CYP2C18: variants seen among roughly 807,000 people sequenced by gnomAD.
CYP2C18 encodes the protein cytochrome P450 family 2 subfamily C member 18, also known as cytochrome P450 2C18.
CYP2C18 carries 38 observed loss-of-function variants against 41.3 expected under a neutral mutation model. The ratio of observed to expected loss-of-function variants is 0.92; its 90% CI spans 0.71 to 1.21. The LOEUF is 1.21. Ranked by LOEUF, CYP2C18 falls within the 50% of genes most tolerant of loss-of-function variation. The probability of loss-of-function intolerance (pLI) is 0.00; values close to 1 mark genes in which losing one functional copy is unlikely to be tolerated. For missense variants in CYP2C18, 635 were observed against 591.4 expected (o/e 1.07, Z -0.77); for synonymous variants, 236 against 210.0 (o/e 1.12, Z -1.07).
intron 5 of CYP2C18, among the ~76,000 whole-genome samples, chr10:94,712,143 T>C (rs919232339): frequency 3.4e-5 from 5 of 148,456 alleles, no homozygotes; most frequent in African/African-American, 1.3e-4. Flanking sequence ...CCACCTCACC[T>C]GGCCTCTTTT....
At chr10:94,713,497 C>G (rs1847482049) in intron 5 of CYP2C18, among the ~76,000 whole-genome samples, 1 of 152,176 alleles carries the variant, frequency 6.6e-6, no homozygotes, top group Admixed American at 6.5e-5. Flanking sequence ...CATGTCCCTA[C>G]AAGGGATACG....
At chr10:94,691,562 T>G (rs1158786609) in intron 3 of CYP2C18, among the ~76,000 whole-genome samples, 2 of 152,038 alleles carry the variant, frequency 1.3e-5, no homozygotes, top group African/African-American at 4.8e-5. Context: ...TGCTCATGGG[T>G]AGGAAGAATG....
rs150302146 is a variant in CYP2C18 at position 94,710,010 on chromosome 10, G to A, written c.819+3050G>A. Among the ~76,000 whole-genome samples the A allele has an allele frequency of 5.9e-3, 894 of 151,692 alleles. 5 individuals are homozygous for A. Among genetic ancestry groups the A allele is most frequent in the African/African-American group, 0.021 (853 of 41,334 alleles). On this transcript the variant is annotated intron_variant, in intron 5 of 8. Coordinates refer to ENST00000285979, the MANE Select transcript of CYP2C18 (RefSeq NM_000772.3). ...CTTTTTTTTTTTGAGACAGGGTCTC[G>A]CTCTGGTTGCCTAGGCTATAGTGCA...
chr10:94,733,558 C>G lies in CYP2C18; in HGVS notation c.1291+120C>G, dbSNP rs905848261. 6 of 1,530,308 alleles carry G rather than the reference C, an allele frequency of 3.9e-6. No homozygotes were observed. In the African/African-American group the frequency reaches 6.8e-5, roughly 17 times the overall value. The allele number at this position is 1,530,308 out of a possible 1,614,324, so 94.8% of individuals were successfully genotyped here. On this transcript the variant is annotated intron_variant, in intron 8 of 8. Transcript: ENST00000285979. Reference sequence around the variant, plus strand: ...GAATTGCTTTGCAGATCATTAGCACCATTCCCTATGCCCATGCGATTTCCC... The same window carrying G: ...GAATTGCTTTGCAGATCATTAGCACGATTCCCTATGCCCATGCGATTTCCC...
In CYP2C18 at chr10:94,706,859, A is replaced by T; in HGVS notation, c.718A>T (p.Ile240Phe). Residue 240 changes from isoleucine (I) to phenylalanine (F), a missense_variant, in exon 5 of 9, where the codon ATT (isoleucine) becomes TTT (phenylalanine). By Grantham distance (21) the Ile-to-Phe change is conservative (BLOSUM62 0). Coordinates refer to ENST00000285979, the MANE Select transcript of CYP2C18 (RefSeq NM_000772.3). The part of the protein sequence containing the change: ...HNKIAENFAY[I>F]KSYVLERIKE... ...TAAAATAGCTGAAAATTTTGCTTACATTAAAAGTTATGTATTGGAGAGAAT... is the reference window on the plus strand; with the variant it reads ...TAAAATAGCTGAAAATTTTGCTTACTTTAAAAGTTATGTATTGGAGAGAAT... 1 of 1,611,846 alleles carries T rather than the reference A, an allele frequency of 6.2e-7. No individual in the cohort carries two copies. The highest frequency in any genetic ancestry group is 8.5e-7 in the Non-Finnish European group (1 of 1,178,328).
intron 4 of CYP2C18, among the ~76,000 whole-genome samples, chr10:94,698,920 A>G (rs530078855): frequency 1.3e-5 from 2 of 152,104 alleles, no homozygotes; most frequent in Non-Finnish European, 2.9e-5. Context: ...CCTCCCAAAA[A>G]TAAACCAGGA....
Position 94,735,674 on chromosome 10 carries a change from C to T in CYP2C18, c.*230C>T, listed in dbSNP as rs937125236. ...CATACTCTGTATCACTTGTATTGAC[C>T]ACCACATATGCTAATACCTATCTAC... is the stretch of plus-strand genomic sequence containing the variant. On this transcript the variant is annotated 3_prime_UTR_variant, in exon 9 of 9. Transcript: ENST00000285979. 7.2e-6 allele frequency: 4 copies of T among 556,510 alleles called. No homozygotes were observed. The highest frequency in any genetic ancestry group is 5.6e-5 in the African/African-American group (3 of 53,210). 34.5% of individuals were successfully genotyped at this position (556,510 alleles called of 1,614,324 possible). A position where few individuals can be genotyped will look rare whatever the true frequency, so the allele number is the denominator to read the frequency against.
intron 5 of CYP2C18, among the ~76,000 whole-genome samples, chr10:94,711,123 A>G (rs1021227143): frequency 6.6e-6 from 1 of 152,122 alleles, no homozygotes; most frequent in South Asian, 2.1e-4. Flanking sequence ...TGTCCTAAGC[A>G]TCTCCATTGC....
intron 3 of CYP2C18, 72 bp downstream of exon 3, chr10:94,688,346 A>G (rs1002478010): frequency 6.7e-7 from 1 of 1,503,022 alleles, no homozygotes; most frequent in African/African-American, 1.4e-5. Flanking sequence ...ATTGATACAT[A>G]ACTTTTATGC....
At chr10:94,706,713 C>G in intron 4 of CYP2C18, 71 bp from the exon 5 acceptor site, 2 of 836,506 alleles carry the variant, frequency 2.4e-6, no homozygotes, top group Non-Finnish European at 3.7e-6. Flanking sequence ...CAGTTTTAAA[C>G]CAGCAGTTGA....
chr10:94,720,863 G>C (rs1847634854), intron 6 of CYP2C18, among the ~76,000 whole-genome samples: 1 of 152,142 alleles, frequency 6.6e-6, no homozygotes, highest in Non-Finnish European at 1.5e-5. Flanking sequence ...ATTGGCCTAG[G>C]ATTGTATGTT....
rs571749528 is a variant in CYP2C18 at position 94,692,053 on chromosome 10, C to T, written c.482-2864C>T. On this transcript the variant is annotated intron_variant, in intron 3 of 8. Coordinates refer to ENST00000285979, the MANE Select transcript of CYP2C18 (RefSeq NM_000772.3). Reference sequence around the variant, plus strand: ...ATGGATTAAAGACTTAAATGTTAGACGTAAAACCATAAAAATCCTAGAAGA... The same window carrying T: ...ATGGATTAAAGACTTAAATGTTAGATGTAAAACCATAAAAATCCTAGAAGA... 2.7e-3 allele frequency among the ~76,000 whole-genome samples: 410 copies of T among 152,214 alleles called. 1 individual carries two copies. Among genetic ancestry groups the T allele is most frequent in the African/African-American group, 7.3e-3 (303 of 41,530 alleles).
Position 94,705,025 on chromosome 10 carries a change from G to A in CYP2C18, c.643-1759G>A, listed in dbSNP as rs560023726. Among the ~76,000 whole-genome samples the A allele has an allele frequency of 2.0e-5, 3 of 152,230 alleles. No individual in the cohort carries two copies. In the South Asian group the frequency reaches 6.2e-4, roughly 32 times the overall value. On this transcript the variant is annotated intron_variant, in intron 4 of 8. Coordinates refer to ENST00000285979, the MANE Select transcript of CYP2C18 (RefSeq NM_000772.3). ...AGAAACATAATTTTTTGCAAGTAAG[G>A]TCTTCTGTGGTCCCTCTGTAAATAG...
chr10:94,724,931 G>A (rs1263507226), intron 7 of CYP2C18, among the ~76,000 whole-genome samples: 1 of 151,748 alleles, frequency 6.6e-6, no homozygotes, highest in East Asian at 1.9e-4. Flanking sequence ...TCAATTCATG[G>A]ATATGATTAT....
intron 4 of CYP2C18, among the ~76,000 whole-genome samples, chr10:94,705,764 A>T (rs1303353693): frequency 6.6e-6 from 1 of 152,150 alleles, no homozygotes; most frequent in Non-Finnish European, 1.5e-5. Context: ...CCCATATCTT[A>T]GCATTGTGGC....
chr10:94,694,394 C>T (rs1173642075), intron 3 of CYP2C18, among the ~76,000 whole-genome samples: 1 of 152,084 alleles, frequency 6.6e-6, no homozygotes, highest in East Asian at 1.9e-4. Context: ...TGCCTGTTTA[C>T]ATTTGTTCCA....
chr10:94,687,564 C>T (rs1846912454), intron 1 of CYP2C18, among the ~76,000 whole-genome samples: 1 of 152,194 alleles, frequency 6.6e-6, no homozygotes, highest in African/African-American at 2.4e-5. Flanking sequence ...AGCCTGCATA[C>T]TACTTGCTTG....
chr10:94,720,460 T>C lies in CYP2C18; in HGVS notation c.884T>C (p.Phe295Ser). ...TTGATAGCCACTGTAACTGATATGT[T>C]TGGGGCTGGAACAGAGACAACGAGC... ...ESLIATVTDM[F>S]GAGTETTSTT... Residue 295 changes from phenylalanine to serine, a missense_variant, in exon 6 of 9, where the codon TTT becomes TCT. Coordinates refer to ENST00000285979, the MANE Select transcript of CYP2C18 (RefSeq NM_000772.3). The C allele has an allele frequency of 5.6e-6, 9 of 1,613,264 alleles. No homozygotes were observed. The highest frequency in any genetic ancestry group is 1.3e-5 in the African/African-American group (1 of 74,996).
intron 4 of CYP2C18, among the ~76,000 whole-genome samples, chr10:94,705,906 A>G (rs1242119371): frequency 6.6e-6 from 1 of 152,190 alleles, no homozygotes; most frequent in African/African-American, 2.4e-5. Flanking sequence ...AGTTTCTGGC[A>G]GTACTTTGGT....
Sources: gnomAD v4.1 joint callset for allele counts (sites outside exome capture counted in the v4.1 genomes callset) on GRCh38, gnomAD v4.1.1 for gene constraint, MANE v1.5 for transcripts, NCBI Gene and HGNC (gene_info 2026-07-23, HGNC 2026-07-21) for gene names.